KCNB2: variants seen among roughly 807,000 people sequenced by gnomAD.
The protein encoded by KCNB2 is potassium voltage-gated channel subfamily B member 2, also known as delayed rectifier potassium channel protein.
In KCNB2, 15 loss-of-function variants were observed where a neutral mutation model predicts 61.5. The ratio of observed to expected loss-of-function variants is 0.24; its 90% confidence interval spans 0.16 to 0.38. KCNB2 has a LOEUF of 0.38. KCNB2 is among the 10% of genes least tolerant of loss of function. The pLI, the probability that KCNB2 is intolerant of heterozygous loss-of-function variation, is 1.00. For synonymous variants in KCNB2, 457 were observed against 446.0 expected (o/e 1.02, Z -0.31); for missense variants, 828 against 1,125.2 (o/e 0.74, Z 3.78).
chr8:72,848,467 TAATA>T (rs1269426990), intron 2 of KCNB2, among the ~76,000 whole-genome samples: 7 of 152,260 alleles, frequency 4.6e-5, no homozygotes, highest in South Asian at 4.1e-4. Flanking sequence ...TAAAGAATAA[TAATA>T]AATAAATCGA....
intron 2 of KCNB2, among the ~76,000 whole-genome samples, chr8:72,675,535 A>T (rs1344752057): frequency 1.3e-5 from 2 of 149,380 alleles, no homozygotes; most frequent in East Asian, 2.0e-4. Flanking sequence ...TTTTTTTGAG[A>T]TGAGTCTCAC....
intron 2 of KCNB2, among the ~76,000 whole-genome samples, chr8:72,693,115 T>G (rs1481455396): frequency 6.6e-6 from 1 of 152,204 alleles, no homozygotes; most frequent in Non-Finnish European, 1.5e-5. Flanking sequence ...CTTGTCTAAT[T>G]TGAACAAATG....
chr8:72,856,718 T>A (rs1282633406), intron 2 of KCNB2, among the ~76,000 whole-genome samples: 1 of 152,218 alleles, frequency 6.6e-6, no homozygotes, highest in Non-Finnish European at 1.5e-5. Context: ...TTGAGGTAGT[T>A]GGATGCAGTG....
At chr8:72,550,748 C>G (rs1806334206) in intron 1 of KCNB2, among the ~76,000 whole-genome samples, 1 of 152,162 alleles carries the variant, frequency 6.6e-6, no homozygotes, top group Non-Finnish European at 1.5e-5. Context: ...GGAGATCAGT[C>G]AGGTATGGGA....
chr8:72,869,939 C>T (rs1468224140), intron 2 of KCNB2, among the ~76,000 whole-genome samples: 1 of 152,140 alleles, frequency 6.6e-6, no homozygotes, highest in Non-Finnish European at 1.5e-5. Flanking sequence ...TGGAAACCAC[C>T]TAAATGTCCA....
At chr8:72,756,508 A>G (rs1205664090) in intron 2 of KCNB2, among the ~76,000 whole-genome samples, 1 of 152,214 alleles carries the variant, frequency 6.6e-6, no homozygotes, top group African/African-American at 2.4e-5. Flanking sequence ...TAAAATTCCA[A>G]TGCCTAGAAC....
intron 2 of KCNB2, among the ~76,000 whole-genome samples, chr8:72,924,725 G>A (rs997439370): frequency 6.6e-6 from 1 of 152,144 alleles, no homozygotes; most frequent in African/African-American, 2.4e-5. Context: ...TTCAAATTAT[G>A]AGTCCTTGGT....
chr8:72,801,797 C>T (rs1809135207), intron 2 of KCNB2, among the ~76,000 whole-genome samples: 1 of 150,962 alleles, frequency 6.6e-6, no homozygotes, highest in African/African-American at 2.4e-5. Context: ...AGAAGTTCCC[C>T]AGATGGACTA....
intron 2 of KCNB2, among the ~76,000 whole-genome samples, chr8:72,601,023 G>C (rs1185718633): frequency 6.6e-6 from 1 of 151,550 alleles, no homozygotes; most frequent in East Asian, 1.9e-4. Flanking sequence ...AAATTAAAAT[G>C]GTAAGTTCTA....
At chr8:72,550,000 C>G (rs1281350775) in intron 1 of KCNB2, among the ~76,000 whole-genome samples, 1 of 152,316 alleles carries the variant, frequency 6.6e-6, no homozygotes, top group African/African-American at 2.4e-5. Flanking sequence ...GGCCCAGGTA[C>G]CAGCCATTTT....
At chr8:72,725,643 A>C (rs1361368173) in intron 2 of KCNB2, among the ~76,000 whole-genome samples, 2 of 145,760 alleles carry the variant, frequency 1.4e-5, no homozygotes, top group African/African-American at 5.1e-5. Context: ...GAAATGAACC[A>C]CTTCTGTAGA....
intron 2 of KCNB2, among the ~76,000 whole-genome samples, chr8:72,797,684 T>G (rs1809053720): frequency 6.6e-6 from 1 of 152,214 alleles, no homozygotes; most frequent in African/African-American, 2.4e-5. Context: ...TGACAAAGCT[T>G]AGCTCTGTGA....
intron 2 of KCNB2, among the ~76,000 whole-genome samples, chr8:72,676,966 G>A (rs1806664897): frequency 6.6e-6 from 1 of 151,964 alleles, no homozygotes; most frequent in African/African-American, 2.4e-5. Context: ...TAACCCCTCG[G>A]TACCTCACAC....
At chr8:72,899,404 AT>A (rs1306054054) in intron 2 of KCNB2, among the ~76,000 whole-genome samples, 8 of 152,190 alleles carry the variant, frequency 5.3e-5, no homozygotes, top group African/African-American at 1.9e-4. Context: ...AGAGAAAGAA[AT>A]AAAAGTCATC....
intron 2 of KCNB2, among the ~76,000 whole-genome samples, chr8:72,591,119 G>A (rs970314422): frequency 1.3e-5 from 2 of 151,816 alleles, no homozygotes; most frequent in East Asian, 2.0e-4. Flanking sequence ...GCTCTTTTTT[G>A]TTAACTCCTT....
intron 2 of KCNB2, among the ~76,000 whole-genome samples, chr8:72,785,326 A>T (rs1808829583): frequency 6.6e-6 from 1 of 152,164 alleles, no homozygotes; most frequent in African/African-American, 2.4e-5. Context: ...AATTATAAAC[A>T]ACCCAAATAA....
intron 2 of KCNB2, among the ~76,000 whole-genome samples, chr8:72,696,433 A>T (rs1807019824): frequency 6.6e-6 from 1 of 152,184 alleles, no homozygotes; most frequent in Admixed American, 6.6e-5. Context: ...TCTCCAGAAA[A>T]ATATAACTCC....
At chr8:72,694,564 TAGAC>T (rs1354264444) in intron 2 of KCNB2, among the ~76,000 whole-genome samples, 12 of 152,168 alleles carry the variant, frequency 7.9e-5, no homozygotes, top group Non-Finnish European at 8.8e-5. Context: ...GACTTTTACA[TAGAC>T]AGACATTTTT....
chr8:72,580,048 T>A (rs1195250069), intron 2 of KCNB2, among the ~76,000 whole-genome samples: 1 of 152,224 alleles, frequency 6.6e-6, no homozygotes, highest in Non-Finnish European at 1.5e-5. Context: ...GATTTTTTGA[T>A]GTTGACTCCA....
Sources: allele counts gnomAD v4.1 joint callset (sites outside exome capture counted in the v4.1 genomes callset), GRCh38; gene constraint gnomAD v4.1.1; transcripts MANE v1.5; gene names NCBI Gene and HGNC (gene_info 2026-07-23, HGNC 2026-07-21).